COL24A1: variants seen among roughly 807,000 people sequenced by gnomAD.
COL24A1 encodes the protein collagen type XXIV alpha 1 chain, also known as collagen alpha-1(XXIV) chain.
In COL24A1, 224 loss-of-function variants were observed where a neutral mutation model predicts 253.9. The ratio of observed to expected loss-of-function variants is 0.88; its 90% confidence interval spans 0.79 to 0.99. The LOEUF (loss-of-function observed/expected upper bound fraction) is 0.99. Ranked by LOEUF, COL24A1 falls within the 50% of genes least tolerant of loss-of-function variation. The pLI is 0.00. For synonymous variants in COL24A1, 685 were observed against 673.7 expected (o/e 1.02, Z -0.26); for missense variants, 2,131 against 2,068.5 (o/e 1.03, Z -0.59).
In COL24A1 at chr1:86,115,387, ACAAATGT is replaced by A. The variant is rs766984159; in HGVS notation, c.1492-16_1492-10del. On this transcript the variant is annotated splice_polypyrimidine_tract_variant and intron_variant, in intron 3 of 59. Transcript: ENST00000370571. ...GCTGGACCAGGTGGACCCTTGGAAA[ACAAATGT>A]CAAGACATTAGGCATGATAGTGGAC... The A allele has an allele frequency of 1.2e-6, 2 of 1,613,638 alleles. No individual in the cohort carries two copies. The highest frequency in any genetic ancestry group is 2.2e-5 in the South Asian group (2 of 91,014).
intron 2 of COL24A1, among the ~76,000 whole-genome samples, chr1:86,135,756 G>T (rs1387031817): frequency 1.3e-5 from 2 of 151,886 alleles, no homozygotes; most frequent in Non-Finnish European, 2.9e-5. Context: ...CTTTGTGTAG[G>T]TGATAAGGGG....
In COL24A1 at chr1:85,954,550, C is replaced by G. The variant is rs4912438; in HGVS notation, c.2562+6699G>C. ...AAATAGGAATAATAATCATTATTTT[C>G]CAGGGTGTCTATGAGGATTAAATAA... On this transcript the variant is annotated intron_variant, in intron 24 of 59. Coordinates refer to ENST00000370571, the MANE Select transcript of COL24A1 (RefSeq NM_152890.7). 4.5e-3 allele frequency among the ~76,000 whole-genome samples: 686 copies of G among 152,158 alleles called. 4 individuals are homozygous for G. Among genetic ancestry groups the G allele is most frequent in the Middle Eastern group, 0.031 (9 of 292 alleles).
Position 85,841,605 on chromosome 1 carries a change from T to C in COL24A1, c.3571-327A>G, listed in dbSNP as rs1676622318. ...CATCAAAAAATTTTAATCTTTAATA[T>C]AAATGAGCCAGGTGCGGTGGTACTC... On this transcript the variant is annotated intron_variant, in intron 41 of 59. Coordinates refer to ENST00000370571, the MANE Select transcript of COL24A1 (RefSeq NM_152890.7). Among the ~76,000 whole-genome samples, 5 of 152,220 alleles carry C rather than the reference T, an allele frequency of 3.3e-5. No homozygotes were observed. In the South Asian group the frequency reaches 8.3e-4, roughly 25 times the overall value.
intron 24 of COL24A1, among the ~76,000 whole-genome samples, chr1:85,920,132 T>C (rs750075313): frequency 3.3e-5 from 5 of 152,100 alleles, no homozygotes; most frequent in Non-Finnish European, 5.9e-5. Context: ...GAGTTCAAAA[T>C]CCAGTAAATT....
chr1:86,030,162 T>G (rs1013125722), intron 14 of COL24A1: 1 of 152,200 alleles, frequency 6.6e-6, no homozygotes, highest in Admixed American at 6.5e-5. Flanking sequence ...AAAATCTTTT[T>G]TACTACACAG....
intron 47 of COL24A1, among the ~76,000 whole-genome samples, chr1:85,801,645 T>C (rs1378818941): frequency 5.3e-5 from 8 of 152,214 alleles, no homozygotes; most frequent in Admixed American, 2.0e-4. Flanking sequence ...TTTTTAACCC[T>C]TTCTACATTT....
intron 7 of COL24A1, among the ~76,000 whole-genome samples, chr1:86,066,973 T>C (rs1222801950): frequency 6.6e-6 from 1 of 151,728 alleles, no homozygotes; most frequent in African/African-American, 2.4e-5. Context: ...CCCGTCTCTA[T>C]TAAAAATACA....
In COL24A1 at chr1:85,921,250, C is replaced by A. The variant is rs531530563; in HGVS notation, c.2563-9817G>T. ...CTGCCCAAATACTGCAGTTTTCCAA[C>A]AGTCTTAGCAAATGGCACACCAGGA... On this transcript the variant is annotated intron_variant, in intron 24 of 59. Coordinates refer to ENST00000370571, the MANE Select transcript of COL24A1 (RefSeq NM_152890.7). 7.2e-5 allele frequency among the ~76,000 whole-genome samples: 11 copies of A among 152,316 alleles called. No individual in the cohort carries two copies. The East Asian group carries it at 1.9e-3, about 27-fold the overall frequency.
rs149173721 is a variant in COL24A1, at chr1:85,915,230, C to A, written c.2563-3797G>T. ...GCTTAGGCTGGGACATTAGTCTTCT[C>A]CTGCCTTTGAACTAGGACAGCATTG... On this transcript the variant is annotated intron_variant, in intron 24 of 59. Coordinates refer to ENST00000370571, the MANE Select transcript of COL24A1 (RefSeq NM_152890.7). 1.1e-3 allele frequency among the ~76,000 whole-genome samples: 166 copies of A among 152,318 alleles called. 1 individual carries two copies. The highest frequency in any genetic ancestry group is 3.7e-3 in the African/African-American group (155 of 41,574).
chr1:85,826,952 C>T (rs1674437698), intron 43 of COL24A1, among the ~76,000 whole-genome samples: 1 of 151,990 alleles, frequency 6.6e-6, no homozygotes, highest in Non-Finnish European at 1.5e-5. Context: ...GCCAGAACTT[C>T]CAACACTATG....
intron 43 of COL24A1, among the ~76,000 whole-genome samples, chr1:85,836,252 G>C (rs1675994415): frequency 6.6e-6 from 1 of 152,080 alleles, no homozygotes; most frequent in Admixed American, 6.6e-5. Flanking sequence ...TTGTTAATCT[G>C]CCTTTTGTTA....
intron 47 of COL24A1, among the ~76,000 whole-genome samples, chr1:85,793,342 A>G (rs1670493189): frequency 6.6e-6 from 1 of 152,022 alleles, no homozygotes; most frequent in Non-Finnish European, 1.5e-5. Flanking sequence ...ATCTCTCACC[A>G]TTTATCTGCG....
intron 37 of COL24A1, among the ~76,000 whole-genome samples, chr1:85,860,411 T>G (rs982776824): frequency 2.0e-5 from 3 of 152,180 alleles, no homozygotes; most frequent in Admixed American, 6.5e-5. Flanking sequence ...ACTTTCTGTA[T>G]GTATAGATTT....
At chr1:86,072,927 T>C (rs904795561) in intron 7 of COL24A1, among the ~76,000 whole-genome samples, 1 of 151,864 alleles carries the variant, frequency 6.6e-6, no homozygotes, top group Non-Finnish European at 1.5e-5. Flanking sequence ...AGAAATAGCA[T>C]CAAAACCAAC....
intron 1 of COL24A1, among the ~76,000 whole-genome samples, chr1:86,147,716 G>A (rs1290847663): frequency 6.6e-6 from 1 of 152,200 alleles, no homozygotes; most frequent in Non-Finnish European, 1.5e-5. Flanking sequence ...GATTGTACGT[G>A]TGCCAAACTC....
intron 2 of COL24A1, among the ~76,000 whole-genome samples, chr1:86,130,784 C>G (rs1351505257): frequency 6.6e-6 from 1 of 151,966 alleles, no homozygotes; most frequent in African/African-American, 2.4e-5. Flanking sequence ...CCTCTCTTCT[C>G]CTACCATTTT....
intron 7 of COL24A1, among the ~76,000 whole-genome samples, chr1:86,086,049 T>A (rs1703040984): frequency 6.6e-6 from 1 of 152,216 alleles, no homozygotes; most frequent in Admixed American, 6.5e-5. Context: ...TTCACATAAC[T>A]TTCTTGCAGA....
In COL24A1 at chr1:85,906,865, T is replaced by C. The variant is rs563294560; in HGVS notation, c.2778+329A>G. 2.6e-5 allele frequency among the ~76,000 whole-genome samples: 4 copies of C among 152,026 alleles called. No individual in the cohort carries two copies. The South Asian group carries it at 8.3e-4, about 32-fold the overall frequency. Reference sequence around the variant, plus strand: ...GTTATTTTTCCTTGCTATGTAAGTCTGTAGAGAAATAATTCATTTAAAGAT... The same window carrying C: ...GTTATTTTTCCTTGCTATGTAAGTCCGTAGAGAAATAATTCATTTAAAGAT... On this transcript the variant is annotated intron_variant, in intron 28 of 59. Coordinates refer to ENST00000370571, the MANE Select transcript of COL24A1 (RefSeq NM_152890.7).
intron 19 of COL24A1, among the ~76,000 whole-genome samples, chr1:85,997,335 G>A (rs975419265): frequency 1.1e-4 from 16 of 151,970 alleles, no homozygotes; most frequent in Non-Finnish European, 1.6e-4. Flanking sequence ...TAGAGGACAT[G>A]TCTTCAATCT....
Sources: gnomAD v4.1 joint callset for allele counts (sites outside exome capture counted in the v4.1 genomes callset) on GRCh38, gnomAD v4.1.1 for gene constraint, MANE v1.5 for transcripts, NCBI Gene and HGNC (gene_info 2026-07-23, HGNC 2026-07-21) for gene names.